UNC13B: variants seen among roughly 807,000 people sequenced by gnomAD.
UNC13B encodes the protein unc-13 homolog B.
Under a neutral mutation model 211.0 loss-of-function variants are expected in UNC13B, and 144 were observed. That is an observed-to-expected ratio of 0.68 (90% CI 0.60 to 0.78). The LOEUF is 0.78. UNC13B is among the 30% of genes least tolerant of loss of function. UNC13B has a pLI of 0.00. For missense variants in UNC13B, 1,777 were observed against 2,002.0 expected, an observed-to-expected ratio of 0.89 and a Z score of 2.14; for synonymous variants, 709 against 725.8, an observed-to-expected ratio of 0.98 and a Z score of 0.37.
intron 11 of UNC13B, among the ~76,000 whole-genome samples, chr9:35,331,611 T>C (rs973012578): frequency 6.6e-6 from 1 of 152,196 alleles, no homozygotes; most frequent in Non-Finnish European, 1.5e-5. Flanking sequence ...GGACTATTTG[T>C]AAGACATTTT....
At chr9:35,182,851 G>A (rs540607389) in intron 1 of UNC13B, among the ~76,000 whole-genome samples, 2 of 152,272 alleles carry the variant, frequency 1.3e-5, no homozygotes, top group African/African-American at 4.8e-5. Context: ...GAACAAAATG[G>A]AGTCTCCTAT....
At chr9:35,335,418 G>GT (rs1167446255) in intron 11 of UNC13B, among the ~76,000 whole-genome samples, 2 of 152,172 alleles carry the variant, frequency 1.3e-5, no homozygotes, top group African/African-American at 4.8e-5. Flanking sequence ...CAGTCATATT[G>GT]TAAGACTTCA....
At chr9:35,218,612 A>G (rs369851457) in intron 1 of UNC13B, among the ~76,000 whole-genome samples, 31 of 152,120 alleles carry the variant, frequency 2.0e-4, no homozygotes, top group African/African-American at 6.3e-4. Context: ...TCCCAGGCTC[A>G]TCTCAGGCTC....
In UNC13B at chr9:35,231,157, T is replaced by C. The variant is rs751961234; in HGVS notation, c.90T>C (p.Asn30=). ...CATATGTGACCCTGAAAGTACAGAA[T>C]GTGAAGAGCACAACTGTAGCAGTTC... is the stretch of plus-strand genomic sequence containing the variant. The part of the protein sequence containing the change: ...FNTYVTLKVQ[N]VKSTTVAVRG... Residue 30 remains asparagine, a synonymous_variant, in exon 3 of 40, where the codon AAT becomes AAC. Coordinates refer to ENST00000635942, the MANE Select transcript of UNC13B (RefSeq NM_001371189.2). 70 of 1,613,354 alleles carry C rather than the reference T, an allele frequency of 4.3e-5. No homozygotes were observed. Among genetic ancestry groups the C allele is most frequent in the Non-Finnish European group, 5.8e-5 (69 of 1,179,530 alleles).
At chr9:35,213,364 C>T (rs1824075154) in intron 1 of UNC13B, among the ~76,000 whole-genome samples, 1 of 111,796 alleles carries the variant, frequency 8.9e-6, no homozygotes, top group East Asian at 1.9e-4. Flanking sequence ...AGAGCGCAGC[C>T]ATCTGCAAGC....
At chr9:35,388,591 T>C (rs942969604) in intron 24 of UNC13B, among the ~76,000 whole-genome samples, 2 of 152,168 alleles carry the variant, frequency 1.3e-5, no homozygotes, top group Non-Finnish European at 2.9e-5. Flanking sequence ...ATGAAGGTGA[T>C]AATAATTTCT....
At chr9:35,376,935 A>C (rs1033518028) in intron 15 of UNC13B, among the ~76,000 whole-genome samples, 4 of 152,200 alleles carry the variant, frequency 2.6e-5, no homozygotes, top group African/African-American at 9.6e-5. Flanking sequence ...GCTGGACCCC[A>C]GGAAAAGCAG....
At chr9:35,171,379 G>A (rs560646799) in intron 1 of UNC13B, among the ~76,000 whole-genome samples, 78 of 152,282 alleles carry the variant, frequency 5.1e-4, no homozygotes, top group Middle Eastern at 3.4e-3. Flanking sequence ...TGGGATTACA[G>A]GTGTGAGCCA....
chr9:35,278,391 C>A (rs984816410), intron 7 of UNC13B, among the ~76,000 whole-genome samples: 15 of 152,148 alleles, frequency 9.9e-5, no homozygotes, highest in African/African-American at 3.6e-4. Context: ...TTTCTGTGAA[C>A]ACTGGAAGCA....
intron 11 of UNC13B, among the ~76,000 whole-genome samples, chr9:35,338,548 A>G (rs923233434): frequency 1.3e-5 from 2 of 152,104 alleles, no homozygotes; most frequent in Non-Finnish European, 2.9e-5. Context: ...ATCATTCTAC[A>G]GCGGGAAAAA....
At chr9:35,327,657 A>G (rs538917608) in intron 11 of UNC13B, among the ~76,000 whole-genome samples, 10 of 152,262 alleles carry the variant, frequency 6.6e-5, no homozygotes, top group African/African-American at 1.9e-4. Context: ...TCAAATTTCT[A>G]TCTTCTGTGG....
At chr9:35,309,741 C>T (rs1249406896) in intron 9 of UNC13B, among the ~76,000 whole-genome samples, 1 of 152,236 alleles carries the variant, frequency 6.6e-6, no homozygotes, top group Admixed American at 6.5e-5. Context: ...ACTTTGTCCA[C>T]TCTTTCCAAA....
At chr9:35,376,272 CG>C in intron 15 of UNC13B, 25 bp downstream of exon 15, 1 of 1,608,118 alleles carries the variant, frequency 6.2e-7, no homozygotes, top group Non-Finnish European at 8.5e-7. Flanking sequence ...GGATGAGGGG[CG>C]GGGAGTGGGG....
rs1404472673 is a variant in UNC13B, at chr9:35,310,605, C to G, written c.9147C>G (p.His3049Gln). The change falls in exon 10 of 40, where the codon CAC (histidine) becomes CAG (glutamine). Residue 3049 changes from histidine to glutamine, a missense_variant. Coordinates refer to ENST00000635942, the MANE Select transcript of UNC13B (RefSeq NM_001371189.2). Reference protein sequence around the residue: ...TDSIHSCHSSHSLSRDGQAGF... With the variant: ...TDSIHSCHSSQSLSRDGQAGF... The stretch of plus-strand genomic sequence containing the variant: ...CGATTCATTCTTGCCACAGCTCTCA[C>G]AGCCTGTCCAGAGATGGCCAAGCAG... The G allele has an allele frequency of 6.2e-7, 1 of 1,613,936 alleles. No homozygotes were observed. The highest frequency in any genetic ancestry group is 8.5e-7 in the Non-Finnish European group (1 of 1,180,014).
intron 7 of UNC13B, among the ~76,000 whole-genome samples, chr9:35,272,536 G>A (rs542002633): frequency 6.6e-6 from 1 of 152,156 alleles, no homozygotes; most frequent in Admixed American, 6.5e-5. Flanking sequence ...GGGATTACAG[G>A]CGTGAGCCAC....
At chr9:35,361,141 A>G (rs2132121838) in intron 11 of UNC13B, 1 of 152,342 alleles carries the variant, frequency 6.6e-6, no homozygotes, top group South Asian at 2.1e-4. Context: ...ATTATTGGGT[A>G]TACTGAGGGG....
intron 11 of UNC13B, among the ~76,000 whole-genome samples, chr9:35,344,275 T>C (rs1030728647): frequency 6.6e-6 from 1 of 152,122 alleles, no homozygotes; most frequent in African/African-American, 2.4e-5. Flanking sequence ...TTCTTTTTTC[T>C]TTTTTTGTCC....
At chr9:35,385,123 C>T in intron 22 of UNC13B, 1 of 985,394 alleles carries the variant, frequency 1.0e-6, no homozygotes, top group South Asian at 4.7e-5. Context: ...TCAGCATCTC[C>T]CTTCAGCTCT....
At chr9:35,221,672 AT>A (rs1163671738) in intron 1 of UNC13B, among the ~76,000 whole-genome samples, 1 of 151,886 alleles carries the variant, frequency 6.6e-6, no homozygotes, top group Non-Finnish European at 1.5e-5. Context: ...TTGTTTGTAC[AT>A]TTTTTTTCTT....
Sources: allele counts gnomAD v4.1 joint callset (sites outside exome capture counted in the v4.1 genomes callset), GRCh38; gene constraint gnomAD v4.1.1; transcripts MANE v1.5; gene names NCBI Gene and HGNC (gene_info 2026-07-23, HGNC 2026-07-21).